NMNAT3: variants seen among roughly 807,000 people sequenced by gnomAD.
NMNAT3 encodes the protein nicotinamide/nicotinic acid mononucleotide adenylyltransferase 3.
A neutral mutation model predicts 24.8 loss-of-function variants in NMNAT3; 21 were observed. The observed-to-expected ratio is 0.85, with a 90% CI of 0.60 to 1.22. The LOEUF is 1.22. Ranked by LOEUF, NMNAT3 falls within the 50% of genes most tolerant of loss-of-function variation. NMNAT3 has a pLI of 0.00. For missense variants in NMNAT3, 387 were observed against 436.6 expected (o/e 0.89, Z 1.01); for synonymous variants, 136 against 155.2 (o/e 0.88, Z 0.92).
chr3:139,663,006 C>T (rs1161130131), intron 1 of NMNAT3, among the ~76,000 whole-genome samples: 3 of 152,232 alleles, frequency 2.0e-5, no homozygotes, highest in Admixed American at 1.3e-4. Context: ...GTTGCAACTA[C>T]TCCAAGCTTA....
intron 3 of NMNAT3, among the ~76,000 whole-genome samples, chr3:139,625,241 GCTT>G (rs918595130): frequency 2.2e-4 from 33 of 152,168 alleles, no homozygotes; most frequent in African/African-American, 8.0e-4. Context: ...GTTAAAGTAT[GCTT>G]CTTATTTATA....
chr3:139,627,566 G>A, intron 3 of NMNAT3, 50 bp downstream of exon 4: 1 of 1,094,406 alleles, frequency 9.1e-7, no homozygotes, highest in Non-Finnish European at 1.3e-6. Flanking sequence ...AAAGCCCCAT[G>A]AAGCCTAACC....
In NMNAT3 at chr3:139,561,140, C is replaced by T. The variant is rs1476149554; in HGVS notation, c.911G>A (p.Gly304Asp). Residue 304 changes from glycine (G) to aspartate (D), a missense_variant, in exon 7 of 7, where the codon GGC (glycine) becomes GAC (aspartate). Physicochemically the swap from Gly to Asp is moderately conservative, Grantham distance 94. Transcript: ENST00000643695. ...CAGGTACTTTACGCTCTGCCCTTGG[C>T]CCAAGGCTCGCCTGATGTATGTGGC... 13 of 1,614,054 alleles carry T rather than the reference C, an allele frequency of 8.1e-6. No homozygotes were observed. The highest frequency in any genetic ancestry group is 1.0e-5 in the Non-Finnish European group (12 of 1,180,050).
intron 6 of NMNAT3, chr3:139,571,252 C>T (rs898767614): frequency 6.6e-6 from 1 of 152,242 alleles, no homozygotes; most frequent in Non-Finnish European, 1.5e-5. Flanking sequence ...TCTGTCACTG[C>T]TTTCTTTGAC....
intron 1 of NMNAT3, among the ~76,000 whole-genome samples, chr3:139,661,200 G>T (rs1415940933): frequency 1.3e-5 from 2 of 152,158 alleles, no homozygotes; most frequent in African/African-American, 4.8e-5. Context: ...GTGCAACGGG[G>T]CGAACTCAGA....
intron 1 of NMNAT3, among the ~76,000 whole-genome samples, chr3:139,659,704 C>T (rs1023986616): frequency 2.6e-5 from 4 of 152,188 alleles, no homozygotes; most frequent in African/African-American, 9.7e-5. Context: ...CACATTAGAA[C>T]CAGCTGGGGA....
At chr3:139,580,577 G>A (rs538971190) in intron 4 of NMNAT3, among the ~76,000 whole-genome samples, 1 of 152,292 alleles carries the variant, frequency 6.6e-6, no homozygotes, top group East Asian at 1.9e-4. Flanking sequence ...TGCACATACA[G>A]ACAGACGCTC....
Position 139,583,080 on chromosome 3 carries a change from C to G in NMNAT3, c.238G>C (p.Asp80His), listed in dbSNP as rs1426590147. 2.2e-5 allele frequency: 35 copies of G among 1,594,432 alleles called. No individual in the cohort carries two copies. Among genetic ancestry groups the G allele is most frequent in the Non-Finnish European group, 2.8e-5 (33 of 1,165,958 alleles). The change falls in exon 4 of 7, where the codon GAC becomes CAC. Residue 80 changes from aspartate to histidine, a missense_variant. By Grantham distance (81) the Asp-to-His change is moderately conservative. Around this residue, in one of 3 missense-constraint regions of NMNAT3, gnomAD observed 323 missense variants for 345.2 expected, o/e 0.94. Transcript: ENST00000643695. ...CTTTTGCGTTTAAAAGATGACTTGT[C>G]AGGGTCATCATTTTTGCTGCTAACA...
intron 6 of NMNAT3, among the ~76,000 whole-genome samples, chr3:139,562,630 C>T (rs1576481706): frequency 6.6e-6 from 1 of 152,190 alleles, no homozygotes; most frequent in Admixed American, 6.5e-5. Flanking sequence ...CAAATGTGGA[C>T]CAGAGAGATG....
At chr3:139,676,924 G>C (rs752341224) in intron 1 of NMNAT3, among the ~76,000 whole-genome samples, 2 of 152,126 alleles carry the variant, frequency 1.3e-5, no homozygotes, top group Non-Finnish European at 2.9e-5. Context: ...CACCCATCAC[G>C]CAGTGCTAAG....
At chr3:139,571,283 C>A (rs1938271347) in intron 6 of NMNAT3, 1 of 152,474 alleles carries the variant, frequency 6.6e-6, no homozygotes, top group Non-Finnish European at 1.5e-5. Context: ...AATTCCCTGA[C>A]CCCTTGTGCT....
At chr3:139,658,169 C>A (rs2057306627) in intron 1 of NMNAT3, among the ~76,000 whole-genome samples, 3 of 152,140 alleles carry the variant, frequency 2.0e-5, no homozygotes. Flanking sequence ...CCACATCTAA[C>A]CTAGCTTCTA....
chr3:139,572,558 G>T (rs911656719), intron 6 of NMNAT3, among the ~76,000 whole-genome samples: 10 of 152,116 alleles, frequency 6.6e-5, no homozygotes, highest in Admixed American at 6.5e-4. Flanking sequence ...TTAACAAGCC[G>T]CACAGGGGAT....
At chr3:139,589,703 A>G (rs757368625) in intron 3 of NMNAT3, among the ~76,000 whole-genome samples, 1 of 152,180 alleles carries the variant, frequency 6.6e-6, no homozygotes, top group Non-Finnish European at 1.5e-5. Flanking sequence ...GCTTTGTTGC[A>G]TAATTTTAAA....
chr3:139,624,766 T>A (rs1364675320), intron 3 of NMNAT3, among the ~76,000 whole-genome samples: 2 of 152,172 alleles, frequency 1.3e-5, no homozygotes, highest in Non-Finnish European at 2.9e-5. Flanking sequence ...CTTTTATGGT[T>A]CAGAATATGG....
intron 3 of NMNAT3, chr3:139,584,206 C>T (rs183119941): frequency 3.9e-5 from 6 of 153,436 alleles, no homozygotes; most frequent in Non-Finnish European, 7.3e-5. Context: ...TGCCTTCTTT[C>T]CTTGAGAACT....
intron 1 of NMNAT3, among the ~76,000 whole-genome samples, chr3:139,647,879 C>T (rs1406581003): frequency 6.6e-6 from 1 of 152,188 alleles, no homozygotes; most frequent in Non-Finnish European, 1.5e-5. Flanking sequence ...ACAGCAGCCA[C>T]AGAAAACTAA....
At chr3:139,663,518 T>C (rs1419462303) in intron 1 of NMNAT3, among the ~76,000 whole-genome samples, 1 of 152,182 alleles carries the variant, frequency 6.6e-6, no homozygotes, top group Non-Finnish European at 1.5e-5. Flanking sequence ...TATTAAGTAG[T>C]ACTAGACTCC....
At chr3:139,570,268 C>G (rs1937975242) in intron 6 of NMNAT3, 1 of 152,190 alleles carries the variant, frequency 6.6e-6, no homozygotes, top group Non-Finnish European at 1.5e-5. Context: ...AAGATTTTAA[C>G]TTCTTTGCCA....
Sources: allele counts gnomAD v4.1 joint callset (sites outside exome capture counted in the v4.1 genomes callset), GRCh38; gene constraint gnomAD v4.1.1; regional missense constraint gnomAD v4.1.1; transcripts MANE v1.5; gene names NCBI Gene and HGNC (gene_info 2026-07-23, HGNC 2026-07-21).